The following RNF17 variants were observed in gnomAD, a reference collection of about 807,000 sequenced individuals.
RNF17 encodes the protein ring finger protein 17.
RNF17 carries 31 observed loss-of-function variants against 200.5 expected under a neutral mutation model. The observed-to-expected ratio is 0.15, with a 90% CI of 0.12 to 0.21. The LOEUF is 0.21. Among genes scored for constraint, RNF17 ranks in the 10% least tolerant of loss-of-function variants. The pLI is 1.00. For synonymous variants in RNF17, 606 were observed against 637.8 expected (o/e 0.95, Z 0.75); for missense variants, 1,628 against 1,905.1 (o/e 0.85, Z 2.71).
At chr13:24,782,027 A>C (rs1346863621) in intron 6 of RNF17, 83 bp downstream of exon 6, 1 of 907,644 alleles carries the variant, frequency 1.1e-6, no homozygotes, top group Non-Finnish European at 1.8e-6. Context: ...TTAGAATGGT[A>C]ATGGGTAACT....
In RNF17 at chr13:24,802,476, G is replaced by C; in HGVS notation, c.1854G>C (p.Val618=). 6.2e-7 allele frequency: 1 copy of C among 1,613,900 alleles called. No individual in the cohort carries two copies. Among genetic ancestry groups the C allele is most frequent in the Non-Finnish European group, 8.5e-7 (1 of 1,179,810 alleles). ...AAGTTTTTAGAGAAGAAGATGGTGTGCTTATTGTAGATCTGCAAAAACCAC... is the reference window on the plus strand; with the variant it reads ...AAGTTTTTAGAGAAGAAGATGGTGTCCTTATTGTAGATCTGCAAAAACCAC... ...SMKVFREEDG[V]LIVDLQKPPP... The change falls in exon 14 of 36, where the codon GTG becomes GTC. Residue 618 remains valine (V), a synonymous_variant. Coordinates refer to ENST00000255324, the MANE Select transcript of RNF17 (RefSeq NM_031277.3).
intron 2 of RNF17, among the ~76,000 whole-genome samples, chr13:24,771,213 G>A (rs1376485357): frequency 6.6e-6 from 1 of 151,348 alleles, no homozygotes; most frequent in Non-Finnish European, 1.5e-5. Context: ...GTGCAGTGAT[G>A]TGATCACAGC....
intron 15 of RNF17, among the ~76,000 whole-genome samples, chr13:24,822,567 A>G (rs1040254835): frequency 3.3e-5 from 5 of 151,796 alleles, no homozygotes; most frequent in Admixed American, 6.6e-5. Flanking sequence ...GATTACTTGC[A>G]TGCACCACCA....
intron 15 of RNF17, among the ~76,000 whole-genome samples, chr13:24,823,869 G>A (rs1049770412): frequency 2.6e-5 from 4 of 152,124 alleles, no homozygotes; most frequent in Non-Finnish European, 2.9e-5. Flanking sequence ...CCTTTGCCAC[G>A]TTTACAAGTG....
chr13:24,842,204 T>A, intron 19 of RNF17, 43 bp downstream of exon 19: 1 of 1,510,374 alleles, frequency 6.6e-7, no homozygotes, highest in South Asian at 1.2e-5. Context: ...CATGTTCTTA[T>A]GTAACATTGT....
Position 24,779,700 on chromosome 13 carries a change from T to C in RNF17, c.463T>C (p.Leu155=). 2 of 1,613,600 alleles carry C rather than the reference T, an allele frequency of 1.2e-6. No individual in the cohort carries two copies. Among genetic ancestry groups the C allele is most frequent in the East Asian group, 4.5e-5 (2 of 44,810 alleles). ...TACTGCAGAAGAAATTGATGAAGCA[T>C]TGAATACAGCACACCATAGTTTCGA... ...TNTAEEIDEA[L]NTAHHSFEQL... is the part of the protein sequence containing the mutation. Residue 155 remains leucine, a synonymous_variant, in exon 5 of 36, where the codon TTG becomes CTG. Coordinates refer to ENST00000255324, the MANE Select transcript of RNF17 (RefSeq NM_031277.3).
At chr13:24,827,713 A>C (rs1053692694) in intron 16 of RNF17, among the ~76,000 whole-genome samples, 6 of 101,472 alleles carry the variant, frequency 5.9e-5, no homozygotes, top group African/African-American at 2.7e-4. Flanking sequence ...AAAAAAAAAA[A>C]AAAACAAAAA....
chr13:24,828,249 C>CTTT lies in RNF17; in HGVS notation c.2246-2235_2246-2234insTTT, dbSNP rs397759369. On this transcript the variant is annotated intron_variant, in intron 16 of 35. Coordinates refer to ENST00000255324, the MANE Select transcript of RNF17 (RefSeq NM_031277.3). The stretch of plus-strand genomic sequence containing the variant: ...GTGCATGGTGCTCATTCTACTTCTT[C>CTTT]ATTTCTATTAGCACCACTTTTGGGG... Among the ~76,000 whole-genome samples, 9 of 151,246 alleles carry CTTT rather than the reference C, an allele frequency of 6.0e-5. No homozygotes were observed. The South Asian group carries it at 1.3e-3, about 21-fold the overall frequency.
chr13:24,787,974 A>T lies in RNF17; in HGVS notation c.612-14A>T. On this transcript the variant is annotated splice_polypyrimidine_tract_variant and intron_variant, in intron 6 of 35. Coordinates refer to ENST00000255324, the MANE Select transcript of RNF17 (RefSeq NM_031277.3). ...ATGAAATACTGCAAAATAACTTTGG[A>T]ATCTTAAATGAAGGAAAAAGAACCT... The T allele has an allele frequency of 6.5e-7, 1 of 1,530,932 alleles. No individual in the cohort carries two copies. The highest frequency in any genetic ancestry group is 2.3e-5 in the East Asian group (1 of 43,180). 94.8% of individuals were successfully genotyped at this position (1,530,932 alleles called of 1,614,324 possible).
intron 15 of RNF17, among the ~76,000 whole-genome samples, chr13:24,811,918 AC>A (rs896964563): frequency 6.6e-6 from 1 of 151,296 alleles, no homozygotes; most frequent in Non-Finnish European, 1.5e-5. Flanking sequence ...GTGTCAGTCT[AC>A]CCCTGCTGGG....
At chr13:24,826,463 T>C (rs558431429) in intron 16 of RNF17, among the ~76,000 whole-genome samples, 9 of 152,314 alleles carry the variant, frequency 5.9e-5, no homozygotes, top group African/African-American at 4.8e-5. Context: ...AGTTTGTAGA[T>C]ATGTCCTTTT....
At chr13:24,765,011 T>C (rs1879436109) in intron 1 of RNF17, among the ~76,000 whole-genome samples, 1 of 151,582 alleles carries the variant, frequency 6.6e-6, no homozygotes, top group Non-Finnish European at 1.5e-5. Context: ...AGGTTCAAGT[T>C]ATTTATTATT....
the RNF17 span, among the ~76,000 whole-genome samples, chr13:24,759,138 G>A: frequency 1.3e-5 from 2 of 150,594 alleles, no homozygotes; most frequent in African/African-American, 4.9e-5. Context: ...TTGAGTGGCT[G>A]AGTAGCTCTG....
chr13:24,877,062 G>T lies in RNF17; in HGVS notation c.4649G>T (p.Gly1550Val), dbSNP rs759717303. Residue 1550 changes from glycine to valine, a missense_variant, in exon 34 of 36, where the codon GGG becomes GTG. This residue lies in a region of RNF17 where 609 missense variants were observed against 681.9 expected (regional missense o/e 0.89). Coordinates refer to ENST00000255324, the MANE Select transcript of RNF17 (RefSeq NM_031277.3). Reference protein sequence around the residue: ...PARAIKVLLAGFKPPLRDLGE... With the variant: ...PARAIKVLLAVFKPPLRDLGE... The stretch of plus-strand genomic sequence containing the variant: ...CGAGCCATAAAGGTTCTCTTGGCAG[G>T]GTTTAAACCTCCCTTAAGGGATCTA... The T allele has an allele frequency of 2.5e-6, 4 of 1,612,968 alleles. No homozygotes were observed. In the African/African-American group the frequency reaches 5.3e-5, roughly 22 times the overall value.
rs763239236 is a variant in RNF17, at chr13:24,793,174, A to C, written c.1068A>C (p.Glu356Asp). The C allele has an allele frequency of 6.2e-7, 1 of 1,614,110 alleles. No homozygotes were observed. The highest frequency in any genetic ancestry group is 8.5e-7 in the Non-Finnish European group (1 of 1,179,976). The part of the protein sequence containing the change: ...KKVDMSVLTS[E>D]APPPPLQPET... ...TTGACATGTCTGTCCTAACCAGTGA[A>C]GCACCACCACCTCCTTTGCAACCTG... The change falls in exon 10 of 36, where the codon GAA becomes GAC. Residue 356 changes from glutamate (E) to aspartate (D), a missense_variant. By Grantham distance (45) the Glu-to-Asp change is conservative (BLOSUM62 2). Around this residue, in one of 5 missense-constraint regions of RNF17, gnomAD observed 502 missense variants for 501.7 expected, o/e 1.00. Coordinates refer to ENST00000255324, the MANE Select transcript of RNF17 (RefSeq NM_031277.3).
chr13:24,884,925 C>T, the RNF17 span, among the ~76,000 whole-genome samples: 15 of 152,188 alleles, frequency 9.9e-5, no homozygotes, highest in African/African-American at 3.1e-4. Flanking sequence ...TAGCTGGAAC[C>T]CCCAGGCAGT....
rs540412944 is a variant in RNF17 at position 24,855,666 on chromosome 13, T to C, written c.3610+1522T>C. Among the ~76,000 whole-genome samples the C allele has an allele frequency of 2.5e-3, 380 of 151,858 alleles. 6 individuals carry two copies. Among genetic ancestry groups the C allele is most frequent in the African/African-American group, 9.1e-3 (376 of 41,388 alleles). ...AAATTGGTGGATAATTTCTAGGTAA[T>C]GTCAAATTGTTTTTCAAAGTTGTTT... On this transcript the variant is annotated intron_variant, in intron 25 of 35. Transcript: ENST00000255324.
chr13:24,766,544 A>G (rs558997721), intron 1 of RNF17, among the ~76,000 whole-genome samples: 1 of 152,340 alleles, frequency 6.6e-6, no homozygotes, highest in African/African-American at 2.4e-5. Flanking sequence ...CAGTGTCTTA[A>G]ATAATTCTAA....
intron 16 of RNF17, among the ~76,000 whole-genome samples, chr13:24,826,703 G>A (rs61949272): frequency 6.6e-6 from 1 of 152,046 alleles, no homozygotes; most frequent in African/African-American, 2.4e-5. Context: ...GTCCTGGGAG[G>A]TGGAGGTTGC....
Sources: gnomAD v4.1 joint callset for allele counts (sites outside exome capture counted in the v4.1 genomes callset) on GRCh38, gnomAD v4.1.1 for gene constraint, gnomAD v4.1.1 regional missense constraint, MANE v1.5 for transcripts, NCBI Gene and HGNC (gene_info 2026-07-23, HGNC 2026-07-21) for gene names.